UQCC1: variants seen among roughly 807,000 people sequenced by gnomAD.
The protein encoded by UQCC1 is bFGF-repressed Zic-binding protein.
In UQCC1, 38 loss-of-function variants were observed where a neutral mutation model predicts 48.0. That is an observed-to-expected ratio of 0.79 (90% CI 0.61 to 1.04). UQCC1 has a LOEUF of 1.04. UQCC1 is among the 50% of genes least tolerant of loss of function. The pLI is 0.00. For synonymous variants in UQCC1, 111 were observed against 129.2 expected, an observed-to-expected ratio of 0.86 and a Z score of 0.95; for missense variants, 368 against 381.8, an observed-to-expected ratio of 0.96 and a Z score of 0.30.
chr20:35,407,606 C>T (rs1234346841), intron 1 of UQCC1, among the ~76,000 whole-genome samples: 1 of 152,116 alleles, frequency 6.6e-6, no homozygotes, highest in Non-Finnish European at 1.5e-5. Context: ...GAAAAACTTG[C>T]CAGATGCAGT....
At chr20:35,359,832 G>C (rs571946307) in intron 6 of UQCC1, among the ~76,000 whole-genome samples, 1 of 152,236 alleles carries the variant, frequency 6.6e-6, no homozygotes, top group African/African-American at 2.4e-5. Context: ...TGAGTTTATT[G>C]ATCTGTAAGC....
In UQCC1 at chr20:35,403,055, G is replaced by A. The variant is rs147726723; in HGVS notation, c.25-8859C>T. On this transcript the variant is annotated intron_variant, in intron 1 of 9. Coordinates refer to ENST00000374385, the MANE Select transcript of UQCC1 (RefSeq NM_018244.5). ...GCACTCCAGCCTAGGGGACAAGAGC[G>A]AGACTTCGTCTCAAAAAAAAAAAAA... 8.3e-3 allele frequency among the ~76,000 whole-genome samples: 1,152 copies of A among 139,096 alleles called. 22 individuals are homozygous for A. The highest frequency in any genetic ancestry group is 0.029 in the African/African-American group (1,098 of 38,054). 91.3% of individuals were successfully genotyped at this position (139,096 alleles called of 152,430 possible).
intron 7 of UQCC1, among the ~76,000 whole-genome samples, chr20:35,333,193 CT>C (rs1454429643): frequency 6.6e-6 from 1 of 152,134 alleles, no homozygotes; most frequent in Non-Finnish European, 1.5e-5. Context: ...CAGCCAAGTC[CT>C]TTAAGTTTTC....
rs1225906208 is a variant in UQCC1 at position 35,333,055 on chromosome 20, C to CA, written c.573+14108dup. On this transcript the variant is annotated intron_variant, in intron 7 of 9. Coordinates refer to ENST00000374385, the MANE Select transcript of UQCC1 (RefSeq NM_018244.5). ...TAATTACTTATATTCTACCTATTTC[C>CA]AAAAAAAAAAGGTTCAAATTGGATT... Among the ~76,000 whole-genome samples the CA allele has an allele frequency of 2.8e-3, 409 of 143,950 alleles. 5 individuals carry two copies. The highest frequency in any genetic ancestry group is 2.7e-3 in the Non-Finnish European group (178 of 65,512). 94.4% of individuals were successfully genotyped at this position (143,950 alleles called of 152,430 possible).
rs370654742 is a variant in UQCC1, at chr20:35,385,927, C to A, written c.130-1794G>T. Reference sequence around the variant, plus strand: ...CAGAGTTCCCACATACCCCTTCCCCCACATGCACAGCCTCCCCCGCCATCA... The same window carrying A: ...CAGAGTTCCCACATACCCCTTCCCCAACATGCACAGCCTCCCCCGCCATCA... On this transcript the variant is annotated intron_variant, in intron 2 of 9. Coordinates refer to ENST00000374385, the MANE Select transcript of UQCC1 (RefSeq NM_018244.5). Among the ~76,000 whole-genome samples, 43 of 151,624 alleles carry A rather than the reference C, an allele frequency of 2.8e-4. 3 individuals carry two copies. The highest frequency in any genetic ancestry group is 2.7e-3 in the East Asian group (14 of 5,156).
chr20:35,317,117 T>C (rs759835745), intron 7 of UQCC1, among the ~76,000 whole-genome samples: 13 of 151,644 alleles, frequency 8.6e-5, no homozygotes, highest in Non-Finnish European at 1.6e-4. Flanking sequence ...TTTGTATTTT[T>C]AGTAGAGATG....
intron 7 of UQCC1, among the ~76,000 whole-genome samples, chr20:35,333,598 A>G (rs1454581333): frequency 6.6e-6 from 1 of 152,204 alleles, no homozygotes; most frequent in Non-Finnish European, 1.5e-5. Flanking sequence ...TGTATGTTAC[A>G]CACATACACA....
intron 7 of UQCC1, among the ~76,000 whole-genome samples, chr20:35,315,818 C>T (rs916522723): frequency 8.6e-5 from 13 of 151,972 alleles, no homozygotes; most frequent in Admixed American, 2.0e-4. Flanking sequence ...CCTGGGAGGC[C>T]GAGGCTGCAG....
chr20:35,391,557 G>A (rs571292135), intron 2 of UQCC1, among the ~76,000 whole-genome samples: 52 of 152,058 alleles, frequency 3.4e-4, no homozygotes, highest in Non-Finnish European at 6.5e-4. Context: ...CCAGGAGGTG[G>A]AGGTTGCAGT....
intron 6 of UQCC1, among the ~76,000 whole-genome samples, chr20:35,365,297 C>A (rs527509281): frequency 6.6e-6 from 1 of 152,296 alleles, no homozygotes; most frequent in Admixed American, 6.5e-5. Flanking sequence ...TTCTTGAGAA[C>A]TATTCCCTAG....
intron 6 of UQCC1, among the ~76,000 whole-genome samples, chr20:35,353,446 C>T (rs2061513183): frequency 6.7e-6 from 1 of 149,200 alleles, no homozygotes; most frequent in Non-Finnish European, 1.5e-5. Flanking sequence ...ATAAATGTTA[C>T]AGTAAGTTAA....
chr20:35,325,805 G>A (rs907828238), intron 7 of UQCC1, among the ~76,000 whole-genome samples: 1 of 151,946 alleles, frequency 6.6e-6, no homozygotes, highest in African/African-American at 2.4e-5. Context: ...TATGTGTAAA[G>A]GCACAGGGAG....
intron 8 of UQCC1, chr20:35,309,071 CT>C: frequency 2.2e-6 from 1 of 445,740 alleles, no homozygotes. Flanking sequence ...TAACTGATGG[CT>C]GAACTAGAAC....
chr20:35,407,489 T>G (rs80230882), intron 1 of UQCC1, among the ~76,000 whole-genome samples: 2 of 151,854 alleles, frequency 1.3e-5, no homozygotes, highest in Non-Finnish European at 2.9e-5. Flanking sequence ...AATTTAAAAC[T>G]TTTGTGTATC....
intron 7 of UQCC1, among the ~76,000 whole-genome samples, chr20:35,341,920 T>C (rs2061383313): frequency 6.6e-6 from 1 of 152,150 alleles, no homozygotes; most frequent in African/African-American, 2.4e-5. Flanking sequence ...TTCACATATT[T>C]AAGGTTCAAG....
intron 6 of UQCC1, among the ~76,000 whole-genome samples, chr20:35,362,706 GTGCA>G (rs1438181166): frequency 6.6e-6 from 1 of 152,074 alleles, no homozygotes; most frequent in Non-Finnish European, 1.5e-5. Flanking sequence ...TAAGGAGTGA[GTGCA>G]TGTGTGTGCG....
chr20:35,327,012 C>A (rs562578546), intron 7 of UQCC1, among the ~76,000 whole-genome samples: 5 of 152,300 alleles, frequency 3.3e-5, no homozygotes, highest in Non-Finnish European at 7.4e-5. Context: ...AGATCACTGA[C>A]CCGAGTCCTT....
chr20:35,407,050 A>G (rs2062261849), intron 1 of UQCC1, among the ~76,000 whole-genome samples: 1 of 152,212 alleles, frequency 6.6e-6, no homozygotes, highest in South Asian at 2.1e-4. Context: ...AGGACCTAAA[A>G]TGATACAACT....
intron 7 of UQCC1, among the ~76,000 whole-genome samples, chr20:35,334,822 G>A (rs900932598): frequency 9.9e-5 from 15 of 152,082 alleles, no homozygotes; most frequent in African/African-American, 3.4e-4. Flanking sequence ...ACAAGCTCTG[G>A]GACTTAACAC....
Sources: allele counts gnomAD v4.1 joint callset (sites outside exome capture counted in the v4.1 genomes callset), GRCh38; gene constraint gnomAD v4.1.1; transcripts MANE v1.5; gene names NCBI Gene and HGNC (gene_info 2026-07-23, HGNC 2026-07-21).